FOXP1: variants seen among roughly 807,000 people sequenced by gnomAD.
FOXP1 encodes the protein forkhead box P1.
Under a neutral mutation model 98.2 loss-of-function variants are expected in FOXP1, and 15 were observed. The observed-to-expected ratio is 0.15, with a 90% CI of 0.10 to 0.24. The LOEUF (loss-of-function observed/expected upper bound fraction) is 0.24. Ranked by LOEUF, FOXP1 falls within the 10% of genes least tolerant of loss-of-function variation. The pLI is 1.00. For synonymous variants in FOXP1, 371 were observed against 314.5 expected (o/e 1.18, Z -1.90); for missense variants, 633 against 848.5 (o/e 0.75, Z 3.15).
At chr3:71,483,390 CAG>C (rs1363765748) in intron 3 of FOXP1, among the ~76,000 whole-genome samples, 1 of 152,104 alleles carries the variant, frequency 6.6e-6, no homozygotes, top group African/African-American at 2.4e-5. Context: ...GCAGAAACAC[CAG>C]AGAGCGGGAA....
intron 3 of FOXP1, among the ~76,000 whole-genome samples, chr3:71,409,933 T>A (rs1372885523): frequency 6.6e-6 from 1 of 152,202 alleles, no homozygotes; most frequent in Admixed American, 6.5e-5. Context: ...GAGGATAACC[T>A]GAGACCCAGA....
intron 3 of FOXP1, among the ~76,000 whole-genome samples, chr3:71,366,990 T>C (rs541842377): frequency 1.3e-5 from 2 of 152,332 alleles, no homozygotes; most frequent in Admixed American, 1.3e-4. Flanking sequence ...CTTCCCTTTT[T>C]CCATGATGGC....
chr3:71,238,514 G>C (rs1440841663), intron 5 of FOXP1, among the ~76,000 whole-genome samples: 1 of 152,178 alleles, frequency 6.6e-6, no homozygotes, highest in African/African-American at 2.4e-5. Flanking sequence ...GGGTTTTCCT[G>C]AAGGAATACT....
intron 4 of FOXP1, among the ~76,000 whole-genome samples, chr3:71,314,249 G>T (rs910467860): frequency 6.6e-6 from 1 of 152,150 alleles, no homozygotes; most frequent in Non-Finnish European, 1.5e-5. Flanking sequence ...ATAGCTGGCT[G>T]GCCAGGCATG....
chr3:70,986,158 C>T (rs149425008), intron 14 of FOXP1, among the ~76,000 whole-genome samples: 1 of 152,114 alleles, frequency 6.6e-6, no homozygotes, highest in Non-Finnish European at 1.5e-5. Flanking sequence ...CATCCCTGTT[C>T]ACTTCCCCCC....
chr3:71,463,876 A>G (rs1320602464), intron 3 of FOXP1, among the ~76,000 whole-genome samples: 1 of 152,172 alleles, frequency 6.6e-6, no homozygotes, highest in Non-Finnish European at 1.5e-5. Context: ...CAAGAGGAAG[A>G]CACTGGCAAG....
At chr3:71,010,841 C>T (rs76894749) in intron 12 of FOXP1, among the ~76,000 whole-genome samples, 1 of 148,956 alleles carries the variant, frequency 6.7e-6, no homozygotes, top group African/African-American at 2.5e-5. Context: ...CCCTCCCCCC[C>T]CACCCAGTGA....
chr3:71,085,565 T>G (rs1255501231), intron 7 of FOXP1, among the ~76,000 whole-genome samples: 1 of 151,860 alleles, frequency 6.6e-6, no homozygotes, highest in Non-Finnish European at 1.5e-5. Flanking sequence ...GGCTTCAGCT[T>G]TTTACTATTA....
Position 71,295,334 on chromosome 3 carries a change from A to C in FOXP1, c.-12+4486T>G, listed in dbSNP as rs146896329. Among the ~76,000 whole-genome samples, 106 of 152,356 alleles carry C rather than the reference A, an allele frequency of 7.0e-4. 2 individuals are homozygous for C. The highest frequency in any genetic ancestry group is 2.4e-3 in the African/African-American group (98 of 41,584). On this transcript the variant is annotated intron_variant, in intron 5 of 20. Coordinates refer to ENST00000649528, the MANE Select transcript of FOXP1 (RefSeq NM_001349338.3). ...AAATGTTCAAATCACTCACATATAC[A>C]CTTTTAAAGGAACTTATATTTCAAA...
intron 2 of FOXP1, among the ~76,000 whole-genome samples, chr3:71,544,425 G>A (rs1489950456): frequency 1.3e-5 from 2 of 150,640 alleles, no homozygotes; most frequent in African/African-American, 4.9e-5. Context: ...GAAAAAGCAG[G>A]AAAGACTAGA....
chr3:71,300,380 T>C (rs973505308), intron 4 of FOXP1, among the ~76,000 whole-genome samples: 1 of 152,174 alleles, frequency 6.6e-6, no homozygotes, highest in African/African-American at 2.4e-5. Context: ...CATTTTCACT[T>C]TGGGGAGGGG....
intron 6 of FOXP1, among the ~76,000 whole-genome samples, chr3:71,181,340 C>T (rs1274340490): frequency 2.0e-5 from 3 of 152,188 alleles, no homozygotes; most frequent in Non-Finnish European, 2.9e-5. Flanking sequence ...AAGTAAGGAG[C>T]ACGTTTTAAA....
chr3:71,032,177 C>A (rs1473522862), intron 11 of FOXP1, among the ~76,000 whole-genome samples: 2 of 152,220 alleles, frequency 1.3e-5, no homozygotes, highest in African/African-American at 4.8e-5. Flanking sequence ...GGACAGATTG[C>A]CATATGGATG....
At chr3:71,465,324 A>AG (rs1553891926) in intron 3 of FOXP1, among the ~76,000 whole-genome samples, 229 of 67,722 alleles carry the variant, frequency 3.4e-3, no homozygotes, top group Non-Finnish European at 5.5e-3. Context: ...AAAAAAAAAA[A>AG]AAGAAGAAGA....
chr3:71,189,172 C>T (rs1451551192), intron 6 of FOXP1, among the ~76,000 whole-genome samples: 1 of 152,146 alleles, frequency 6.6e-6, no homozygotes, highest in Non-Finnish European at 1.5e-5. Flanking sequence ...TGTACTTTTC[C>T]AACAAAAGAA....
chr3:70,957,234 A>T lies in FOXP1; in HGVS notation c.*2013T>A, dbSNP rs1271101412. 1 of 225,270 alleles carries T rather than the reference A, an allele frequency of 4.4e-6. No individual in the cohort carries two copies. The highest frequency in any genetic ancestry group is 8.9e-6 in the Non-Finnish European group (1 of 112,994). The allele number at this position is 225,270 out of a possible 1,614,324, so 14.0% of individuals were successfully genotyped here. On this transcript the variant is annotated 3_prime_UTR_variant, in exon 21 of 21. Transcript: ENST00000649528. ...CTATTTTTATCTGCAGTAGCCCCAT[A>T]AAATCTCTTTAAGAGAATGAGTTTT...
At chr3:71,227,571 T>C in intron 5 of FOXP1, among the ~76,000 whole-genome samples, 1 of 152,114 alleles carries the variant, frequency 6.6e-6, no homozygotes, top group Non-Finnish European at 1.5e-5. Flanking sequence ...GAGTTATAAA[T>C]CTTACAGTCT....
chr3:71,552,218 T>C (rs779633804), intron 2 of FOXP1, among the ~76,000 whole-genome samples: 2 of 152,160 alleles, frequency 1.3e-5, no homozygotes, highest in Non-Finnish European at 2.9e-5. Context: ...AAGGTGCTGA[T>C]ATTGCTACCT....
At chr3:71,327,004 T>C (rs2075731072) in intron 4 of FOXP1, among the ~76,000 whole-genome samples, 1 of 152,192 alleles carries the variant, frequency 6.6e-6, no homozygotes, top group Non-Finnish European at 1.5e-5. Context: ...GCAAGGTAAC[T>C]AGTCCCAATT....
Sources: allele counts gnomAD v4.1 joint callset (sites outside exome capture counted in the v4.1 genomes callset), GRCh38; gene constraint gnomAD v4.1.1; transcripts MANE v1.5; gene names NCBI Gene and HGNC (gene_info 2026-07-23, HGNC 2026-07-21).